The following GIGYF2 variants were observed in gnomAD, a reference collection of about 807,000 sequenced individuals.
The protein encoded by GIGYF2 is GRB10-interacting GYF protein 2.
Under a neutral mutation model 208.1 loss-of-function variants are expected in GIGYF2, and 25 were observed. The ratio of observed to expected loss-of-function variants is 0.12; its 90% CI spans 0.09 to 0.17. The LOEUF (loss-of-function observed/expected upper bound fraction) is 0.17. Among genes scored for constraint, GIGYF2 ranks in the 10% least tolerant of loss-of-function variants. The pLI is 1.00. For synonymous variants in GIGYF2, 534 were observed against 543.8 expected (o/e 0.98, Z 0.25); for missense variants, 1,302 against 1,579.4 (o/e 0.82, Z 2.98).
At chr2:232,819,742 T>A in intron 20 of GIGYF2, 85 bp from the exon 21 acceptor site, 3 of 793,224 alleles carry the variant, frequency 3.8e-6, no homozygotes, top group African/African-American at 1.7e-5. Context: ...GCAGATAGCC[T>A]ATTACTTTCC....
Position 232,795,975 on chromosome 2 carries a change from A to G in GIGYF2, c.1480-87A>G. ...GTGACTTTCATAGATCAAGTAGTCC[A>G]AAAAAAAGGGGCAGGCACTGTTATT... On this transcript the variant is annotated intron_variant, in intron 13 of 28. Transcript: ENST00000373563. The G allele has an allele frequency of 3.3e-6, 3 of 914,494 alleles. No homozygotes were observed. In the South Asian group the frequency reaches 4.1e-5, roughly 12 times the overall value. 56.6% of individuals were successfully genotyped at this position (914,494 alleles called of 1,614,324 possible).
chr2:232,835,281 C>G (rs1053089086), intron 22 of GIGYF2, among the ~76,000 whole-genome samples: 5 of 152,156 alleles, frequency 3.3e-5, no homozygotes, highest in African/African-American at 1.2e-4. Context: ...TACTTTGGTA[C>G]TCCAGAATTT....
Position 232,716,722 on chromosome 2 carries a change from C to T in GIGYF2, c.-44+13233C>T, listed in dbSNP as rs577542954. ...TTTGTTTTGTTTTTTCTTTTCTAAT[C>T]GCAAAAATTTAAGCAGGGAATGAAT... On this transcript the variant is annotated intron_variant, in intron 2 of 28. Coordinates refer to ENST00000373563, the MANE Select transcript of GIGYF2 (RefSeq NM_001103146.3). Among the ~76,000 whole-genome samples the T allele has an allele frequency of 2.8e-4, 42 of 151,856 alleles. 1 individual carries two copies. The South Asian group carries it at 6.9e-3, about 25-fold the overall frequency.
rs1456494796 is a variant in GIGYF2, at chr2:232,845,899, G to T, written c.3460+13G>T. On this transcript the variant is annotated intron_variant, in intron 26 of 28. Coordinates refer to ENST00000373563, the MANE Select transcript of GIGYF2 (RefSeq NM_001103146.3). ...AATAACTTGGATGGTAAGAATTGGG[G>T]AGGGAAACCCGGCATGTGGAATGAC... 1 of 1,549,812 alleles carries T rather than the reference G, an allele frequency of 6.5e-7. No individual in the cohort carries two copies. Among genetic ancestry groups the T allele is most frequent in the South Asian group, 1.1e-5 (1 of 89,576 alleles).
chr2:232,815,799 T>C, intron 19 of GIGYF2, 62 bp downstream of exon 19: 1 of 850,392 alleles, frequency 1.2e-6, no homozygotes, highest in East Asian at 2.5e-5. Flanking sequence ...TAAACATTGC[T>C]GTTTATTCAT....
At chr2:232,798,452 G>A (rs1465248872) in intron 14 of GIGYF2, among the ~76,000 whole-genome samples, 4 of 152,172 alleles carry the variant, frequency 2.6e-5, no homozygotes, top group Non-Finnish European at 4.4e-5. Flanking sequence ...GAGTTGTATG[G>A]TAGTTCTATG....
At chr2:232,708,427 A>G (rs1206278020) in intron 2 of GIGYF2, among the ~76,000 whole-genome samples, 1 of 152,190 alleles carries the variant, frequency 6.6e-6, no homozygotes, top group Non-Finnish European at 1.5e-5. Context: ...GACAATGTAC[A>G]AAATGAATTC....
chr2:232,759,608 G>A (rs76243234), intron 6 of GIGYF2, among the ~76,000 whole-genome samples: 2,651 of 151,622 alleles, frequency 0.017, 89 homozygotes, highest in African/African-American at 0.061. Context: ...AATCTGCTGT[G>A]GCATCATAGT....
At chr2:232,712,172 GA>G (rs1042580885) in intron 2 of GIGYF2, among the ~76,000 whole-genome samples, 2 of 149,972 alleles carry the variant, frequency 1.3e-5, no homozygotes, top group South Asian at 4.2e-4. Context: ...CATTCATTTT[GA>G]AAAAAAAAGT....
chr2:232,705,081 G>C (rs987541696), intron 2 of GIGYF2, among the ~76,000 whole-genome samples: 1 of 150,322 alleles, frequency 6.7e-6, no homozygotes, highest in African/African-American at 2.4e-5. Flanking sequence ...GGATGGTCTC[G>C]ATCTCCTGAC....
chr2:232,834,400 C>T (rs1574937384), intron 22 of GIGYF2, among the ~76,000 whole-genome samples: 1 of 152,136 alleles, frequency 6.6e-6, no homozygotes, highest in East Asian at 1.9e-4. Context: ...TAAACAAACC[C>T]ATGCTCTCTA....
intron 6 of GIGYF2, among the ~76,000 whole-genome samples, chr2:232,757,131 T>C (rs958900575): frequency 6.6e-6 from 1 of 152,160 alleles, no homozygotes; most frequent in African/African-American, 2.4e-5. Context: ...GGCATGATCA[T>C]GAGTATAGAG....
chr2:232,747,121 C>T (rs535147205), intron 3 of GIGYF2, among the ~76,000 whole-genome samples: 2 of 152,188 alleles, frequency 1.3e-5, no homozygotes, highest in East Asian at 3.9e-4. Context: ...ACCAAATTGC[C>T]AAATAGATAA....
chr2:232,809,786 C>G lies in GIGYF2; in HGVS notation c.1873C>G (p.Leu625Val). 1 of 1,603,532 alleles carries G rather than the reference C, an allele frequency of 6.2e-7. No individual in the cohort carries two copies. The highest frequency in any genetic ancestry group is 8.5e-7 in the Non-Finnish European group (1 of 1,170,362). The change falls in exon 16 of 29, where the codon CTG (leucine) becomes GTG (valine). Residue 625 changes from leucine to valine, a missense_variant. Leu to Val is a conservative substitution (Grantham distance 32). This residue lies in a region of GIGYF2 where 701 missense variants were observed against 793.0 expected (regional missense o/e 0.88). Coordinates refer to ENST00000373563, the MANE Select transcript of GIGYF2 (RefSeq NM_001103146.3). Reference protein sequence around the residue: ...ELTALYQMQHLQYQQFLIQQQ... With the variant: ...ELTALYQMQHVQYQQFLIQQQ... ...CACAGCCTTATACCAGATGCAGCAC[C>G]TGCAGTACCAGCAGTTTTTAATACA...
Position 232,856,740 on chromosome 2 carries a change from G to C in GIGYF2, c.3833-53G>C, listed in dbSNP as rs1690591836. 7 of 1,068,184 alleles carry C rather than the reference G, an allele frequency of 6.6e-6. No homozygotes were observed. In the Admixed American group the frequency reaches 1.2e-4, roughly 18 times the overall value. 66.2% of individuals were successfully genotyped at this position (1,068,184 alleles called of 1,614,324 possible). The stretch of plus-strand genomic sequence containing the variant: ...CATTCCAGCTCACCGCCTAGAATTT[G>C]AGCCGCTTGGTTGCCTGGGTGTGGT... On this transcript the variant is annotated intron_variant, in intron 28 of 28. Coordinates refer to ENST00000373563, the MANE Select transcript of GIGYF2 (RefSeq NM_001103146.3).
intron 3 of GIGYF2, among the ~76,000 whole-genome samples, chr2:232,737,819 AATTT>A (rs2106299840): frequency 6.6e-6 from 1 of 152,190 alleles, no homozygotes; most frequent in Admixed American, 6.5e-5. Context: ...AAAATGAAGC[AATTT>A]ATTTGTATCT....
chr2:232,720,609 G>GTTTT (rs1482831127), intron 2 of GIGYF2, among the ~76,000 whole-genome samples: 12 of 148,132 alleles, frequency 8.1e-5, no homozygotes, highest in South Asian at 2.1e-4. Flanking sequence ...TTGTTTGTTT[G>GTTTT]TTTGAGACGG....
intron 20 of GIGYF2, among the ~76,000 whole-genome samples, chr2:232,819,444 G>A (rs914767954): frequency 2.0e-4 from 31 of 151,988 alleles, no homozygotes; most frequent in Non-Finnish European, 2.9e-5. Flanking sequence ...ATGTTGATTT[G>A]CCCTCTCTAT....
chr2:232,719,754 A>G (rs75443659), intron 2 of GIGYF2, among the ~76,000 whole-genome samples: 1,871 of 152,354 alleles, frequency 0.012, 44 homozygotes, highest in African/African-American at 0.042. Flanking sequence ...TCTAGCTTAT[A>G]TAATATTCAC....
Sources: gnomAD v4.1 joint callset for allele counts (sites outside exome capture counted in the v4.1 genomes callset) on GRCh38, gnomAD v4.1.1 for gene constraint, gnomAD v4.1.1 regional missense constraint, MANE v1.5 for transcripts, NCBI Gene and HGNC (gene_info 2026-07-23, HGNC 2026-07-21) for gene names.